Variants in VAT1L observed in about 807,000 individuals in gnomAD.
The protein encoded by VAT1L is vesicle amine transport 1 like.
Under a neutral mutation model 44.1 loss-of-function variants are expected in VAT1L, and 34 were observed. That is an observed-to-expected ratio of 0.77 (90% CI 0.59 to 1.03). The LOEUF (loss-of-function observed/expected upper bound fraction) is 1.03. VAT1L is among the 50% of genes least tolerant of loss of function. The pLI, the probability that VAT1L is intolerant of heterozygous loss-of-function variation, is 0.00. For synonymous variants in VAT1L, 253 were observed against 202.2 expected (o/e 1.25, Z -2.13); for missense variants, 615 against 538.8 (o/e 1.14, Z -1.40).
intron 7 of VAT1L, among the ~76,000 whole-genome samples, chr16:77,893,622 G>C (rs1445635637): frequency 1.3e-5 from 2 of 152,210 alleles, no homozygotes; most frequent in East Asian, 3.8e-4. Flanking sequence ...AATATTTCTA[G>C]AGGATTCGCT....
intron 7 of VAT1L, among the ~76,000 whole-genome samples, chr16:77,959,139 T>C (rs1037324267): frequency 2.0e-5 from 3 of 152,246 alleles, no homozygotes; most frequent in Admixed American, 2.0e-4. Flanking sequence ...TGCCCCACCC[T>C]CATCTATTCC....
chr16:77,862,713 C>T, intron 3 of VAT1L, 35 bp from the exon 4 acceptor site: 1 of 1,601,882 alleles, frequency 6.2e-7, no homozygotes, highest in Non-Finnish European at 8.5e-7. Context: ...CTGGTGGCTC[C>T]TATGTGTGAC....
chr16:77,914,432 G>A (rs1428279434), intron 7 of VAT1L, among the ~76,000 whole-genome samples: 1 of 152,136 alleles, frequency 6.6e-6, no homozygotes, highest in East Asian at 1.9e-4. Flanking sequence ...ATCAGCCATG[G>A]TGTGAGCATT....
chr16:77,919,591 C>T (rs1241929707), intron 7 of VAT1L, among the ~76,000 whole-genome samples: 2 of 152,094 alleles, frequency 1.3e-5, no homozygotes, highest in Admixed American at 6.6e-5. Flanking sequence ...ATTGGTGGCT[C>T]TCATGCAGAT....
intron 7 of VAT1L, among the ~76,000 whole-genome samples, chr16:77,938,353 C>T (rs1213834611): frequency 6.6e-6 from 1 of 152,138 alleles, no homozygotes; most frequent in Non-Finnish European, 1.5e-5. Context: ...AAACTGAACG[C>T]TCTGTCAAAA....
intron 8 of VAT1L, among the ~76,000 whole-genome samples, chr16:77,972,959 T>C (rs1396337759): frequency 6.6e-6 from 1 of 152,036 alleles, no homozygotes; most frequent in Non-Finnish European, 1.5e-5. Flanking sequence ...GTGCTGGGAT[T>C]ATAGGCGTGA....
intron 7 of VAT1L, among the ~76,000 whole-genome samples, chr16:77,907,704 C>A (rs534120506): frequency 7.9e-5 from 12 of 152,068 alleles, no homozygotes; most frequent in African/African-American, 2.9e-4. Flanking sequence ...ATATCCCCAA[C>A]AGTTAATTTA....
At chr16:77,919,897 G>C (rs796810034) in intron 7 of VAT1L, among the ~76,000 whole-genome samples, 56 of 152,224 alleles carry the variant, frequency 3.7e-4, no homozygotes, top group African/African-American at 1.3e-3. Context: ...AGGCCAGCCT[G>C]GCTAACATGT....
intron 7 of VAT1L, among the ~76,000 whole-genome samples, chr16:77,891,007 T>C (rs1228424814): frequency 6.6e-6 from 1 of 151,746 alleles, no homozygotes; most frequent in Admixed American, 6.6e-5. Flanking sequence ...ACGGTACCAC[T>C]GGTCACATAT....
At chr16:77,903,549 A>C (rs1236876565) in intron 7 of VAT1L, among the ~76,000 whole-genome samples, 1 of 152,154 alleles carries the variant, frequency 6.6e-6, no homozygotes, top group African/African-American at 2.4e-5. Context: ...AGGGTGTACA[A>C]AAATGGAAAA....
At chr16:77,900,156 C>T (rs2017364961) in intron 7 of VAT1L, among the ~76,000 whole-genome samples, 1 of 152,056 alleles carries the variant, frequency 6.6e-6, no homozygotes, top group African/African-American at 2.4e-5. Context: ...GTTCATTACA[C>T]AGATATGTGT....
intron 1 of VAT1L, among the ~76,000 whole-genome samples, chr16:77,808,342 C>T (rs781184034): frequency 4.6e-5 from 7 of 152,056 alleles, no homozygotes; most frequent in Non-Finnish European, 1.0e-4. Context: ...GGAAAACAAC[C>T]TCAGGGCTCC....
chr16:77,953,116 T>A (rs886291384), intron 7 of VAT1L, among the ~76,000 whole-genome samples: 1 of 152,120 alleles, frequency 6.6e-6, no homozygotes, highest in Non-Finnish European at 1.5e-5. Flanking sequence ...ACAGGAGTGA[T>A]GTGTCTCCAA....
At chr16:77,937,561 A>G (rs570304037) in intron 7 of VAT1L, among the ~76,000 whole-genome samples, 1 of 152,344 alleles carries the variant, frequency 6.6e-6, no homozygotes, top group South Asian at 2.1e-4. Flanking sequence ...GCTTATAGTT[A>G]GAAGAGAAGT....
At chr16:77,800,368 C>T (rs1397516306) in intron 1 of VAT1L, 1 of 152,152 alleles carries the variant, frequency 6.6e-6, no homozygotes, top group Non-Finnish European at 1.5e-5. Context: ...CTCAAGCATC[C>T]CTGCAATACA....
chr16:77,882,243 T>C (rs777337496), intron 6 of VAT1L: 1 of 152,380 alleles, frequency 6.6e-6, no homozygotes, highest in Non-Finnish European at 1.5e-5. Context: ...ACTGGAATTA[T>C]ACAGGAATTT....
Position 77,900,416 on chromosome 16 carries a change from G to A in VAT1L, c.1077+15614G>A, listed in dbSNP as rs567018168. Among the ~76,000 whole-genome samples, 18 of 151,920 alleles carry A rather than the reference G, an allele frequency of 1.2e-4. No homozygotes were observed. In the East Asian group the frequency reaches 2.1e-3, roughly 18 times the overall value. ...ATTTAGAAAATAGGAAAAAAGGGCC[G>A]GGCAAGGTGGCTCACATCTATAATC... is the stretch of plus-strand genomic sequence containing the variant. On this transcript the variant is annotated intron_variant, in intron 7 of 8. Transcript: ENST00000302536.
At chr16:77,840,804 G>A (rs2016696792) in intron 3 of VAT1L, among the ~76,000 whole-genome samples, 1 of 152,132 alleles carries the variant, frequency 6.6e-6, no homozygotes. Context: ...CGAAGTCTCA[G>A]CTTGCTCATT....
chr16:77,790,289 G>C (rs936134361), intron 1 of VAT1L, among the ~76,000 whole-genome samples: 1 of 152,166 alleles, frequency 6.6e-6, no homozygotes, highest in African/African-American at 2.4e-5. Flanking sequence ...GGTAAGGGAA[G>C]AGGCTTTTGC....
Sources: gnomAD v4.1 joint callset for allele counts (sites outside exome capture counted in the v4.1 genomes callset) on GRCh38, gnomAD v4.1.1 for gene constraint, MANE v1.5 for transcripts, NCBI Gene and HGNC (gene_info 2026-07-23, HGNC 2026-07-21) for gene names.